The following CALN1 variants were observed in gnomAD, a reference collection of about 807,000 sequenced individuals.
CALN1 encodes calneuron 1, also known as calcium-binding protein 8.
Under a neutral mutation model 30.6 loss-of-function variants are expected in CALN1, and 17 were observed. That is an observed-to-expected ratio of 0.56 (90% confidence interval 0.38 to 0.83). The LOEUF is 0.83. CALN1 is among the 40% of genes least tolerant of loss of function. The pLI is 0.00. For missense variants in CALN1, 291 were observed against 354.9 expected (o/e 0.82, Z 1.45); for synonymous variants, 156 against 131.4 (o/e 1.19, Z -1.28).
At chr7:71,966,360 T>A (rs1471258121) in intron 5 of CALN1, among the ~76,000 whole-genome samples, 1 of 152,178 alleles carries the variant, frequency 6.6e-6, no homozygotes, top group Non-Finnish European at 1.5e-5. Context: ...CCAAGTCTCA[T>A]GTTCAATTGT....
chr7:72,164,919 T>G (rs1322606440), intron 3 of CALN1, among the ~76,000 whole-genome samples: 4 of 150,318 alleles, frequency 2.7e-5, no homozygotes, highest in African/African-American at 9.8e-5. Context: ...GACCTCAGAC[T>G]CCCGGCCTCA....
intron 2 of CALN1, among the ~76,000 whole-genome samples, chr7:72,335,757 TG>T (rs1801981033): frequency 6.6e-6 from 1 of 152,158 alleles, no homozygotes; most frequent in Non-Finnish European, 1.5e-5. Context: ...TGGGAAACGA[TG>T]GTGGGCTGGT....
At chr7:72,352,257 C>T (rs1430550136) in intron 2 of CALN1, among the ~76,000 whole-genome samples, 2 of 151,942 alleles carry the variant, frequency 1.3e-5, no homozygotes, top group East Asian at 1.9e-4. Context: ...GGCGTGGTGG[C>T]ACATGCCTGT....
intron 5 of CALN1, among the ~76,000 whole-genome samples, chr7:71,963,768 T>C (rs1258818067): frequency 6.6e-6 from 1 of 152,220 alleles, no homozygotes; most frequent in Non-Finnish European, 1.5e-5. Flanking sequence ...TTCTATATTT[T>C]AAATGCTACA....
chr7:72,184,953 G>A (rs1202128403), intron 3 of CALN1, among the ~76,000 whole-genome samples: 12 of 151,798 alleles, frequency 7.9e-5, no homozygotes, highest in African/African-American at 2.4e-4. Context: ...CAACAAGCCC[G>A]GCTAATTTTT....
intron 5 of CALN1, among the ~76,000 whole-genome samples, chr7:72,002,946 T>C (rs1272737942): frequency 6.6e-6 from 1 of 152,162 alleles, no homozygotes; most frequent in Non-Finnish European, 1.5e-5. Context: ...ATTTCAGTTA[T>C]GCAGTAGGAG....
upstream of CALN1, among the ~76,000 whole-genome samples, chr7:72,447,699 G>A (rs994038225): frequency 6.8e-6 from 1 of 147,582 alleles, no homozygotes; most frequent in Non-Finnish European, 1.5e-5. Context: ...TTATACATAC[G>A]TGCCTGCCCA....
At chr7:72,060,147 G>C (rs1803547633) in intron 4 of CALN1, among the ~76,000 whole-genome samples, 1 of 152,156 alleles carries the variant, frequency 6.6e-6, no homozygotes, top group African/African-American at 2.4e-5. Context: ...CATTCAGAGA[G>C]AGTGGGGGAA....
intron 2 of CALN1, among the ~76,000 whole-genome samples, chr7:72,315,870 C>G (rs772125717): frequency 6.6e-6 from 1 of 151,982 alleles, no homozygotes; most frequent in Non-Finnish European, 1.5e-5. Flanking sequence ...ATTTCTCCGG[C>G]CGGGCGCGAA....
At chr7:72,371,605 T>C (rs1435043942) in intron 2 of CALN1, among the ~76,000 whole-genome samples, 1 of 152,226 alleles carries the variant, frequency 6.6e-6, no homozygotes, top group African/African-American at 2.4e-5. Flanking sequence ...TTAACCTCTT[T>C]ACTTTATAAA....
intron 4 of CALN1, among the ~76,000 whole-genome samples, chr7:72,072,754 T>C (rs1345473078): frequency 6.6e-6 from 1 of 152,194 alleles, no homozygotes. Context: ...TTTTGTGACA[T>C]CAACATGTAA....
intron 5 of CALN1, among the ~76,000 whole-genome samples, chr7:71,995,288 CT>C (rs1238479819): frequency 6.6e-6 from 1 of 152,216 alleles, no homozygotes; most frequent in South Asian, 2.1e-4. Flanking sequence ...TTCCAGGTTC[CT>C]CCTTTATTAG....
chr7:71,872,755 G>A (rs34799278), intron 5 of CALN1, among the ~76,000 whole-genome samples: 37,348 of 150,318 alleles, frequency 0.25, 4,947 homozygotes, highest in African/African-American at 0.32. Flanking sequence ...CTGTGACTAC[G>A]GGCATGTGCC....
intron 3 of CALN1, among the ~76,000 whole-genome samples, chr7:72,115,271 G>C (rs1807895256): frequency 6.9e-6 from 1 of 145,306 alleles, no homozygotes; most frequent in African/African-American, 2.5e-5. Flanking sequence ...ACAGGAACAA[G>C]CCACTTAGAT....
At chr7:72,277,166 T>C (rs1017312331) in intron 3 of CALN1, among the ~76,000 whole-genome samples, 1 of 152,158 alleles carries the variant, frequency 6.6e-6, no homozygotes, top group African/African-American at 2.4e-5. Flanking sequence ...TCAAATCTGC[T>C]GGCATCTTTA....
chr7:72,114,309 G>GAAGGGAAGGGAAGGCAAGGCAAGGC (rs1350961654), intron 3 of CALN1, among the ~76,000 whole-genome samples: 3 of 97,918 alleles, frequency 3.1e-5, no homozygotes, highest in Admixed American at 1.1e-4. Context: ...GAAGGGAAGG[G>GAAGGGAAGGGAAGGCAAGGCAAGGC]AAGGCAACAC....
intron 2 of CALN1, among the ~76,000 whole-genome samples, chr7:72,399,270 C>T (rs1236766537): frequency 8.4e-5 from 9 of 106,778 alleles, no homozygotes; most frequent in East Asian, 3.1e-4. Flanking sequence ...TAACCTATTG[C>T]TTTTTTTTTT....
intron 2 of CALN1, among the ~76,000 whole-genome samples, chr7:72,292,903 G>A (rs1429519154): frequency 6.6e-6 from 1 of 151,902 alleles, no homozygotes; most frequent in Non-Finnish European, 1.5e-5. Flanking sequence ...GGAAACCGGA[G>A]TCTCATTTCC....
intron 2 of CALN1, among the ~76,000 whole-genome samples, chr7:72,396,818 CTG>C (rs1319492644): frequency 6.6e-6 from 1 of 152,176 alleles, no homozygotes; most frequent in African/African-American, 2.4e-5. Context: ...ATGACTCACA[CTG>C]AGAACTTCGT....
Sources: gnomAD v4.1 joint callset for allele counts (sites outside exome capture counted in the v4.1 genomes callset) on GRCh38, gnomAD v4.1.1 for gene constraint, MANE v1.5 for transcripts, NCBI Gene and HGNC (gene_info 2026-07-23, HGNC 2026-07-21) for gene names.